CLIP1: variants seen among roughly 807,000 people sequenced by gnomAD.
CLIP1 encodes the protein CAP-Gly domain containing linker protein 1.
In CLIP1, 66 loss-of-function variants were observed where a neutral mutation model predicts 161.6. The observed-to-expected ratio is 0.41, with a 90% confidence interval of 0.33 to 0.50. The LOEUF is 0.50. Ranked by LOEUF, CLIP1 falls within the 20% of genes least tolerant of loss-of-function variation. The pLI is 0.27. For synonymous variants in CLIP1, 598 were observed against 626.2 expected (o/e 0.96, Z 0.67); for missense variants, 1,376 against 1,702.0 (o/e 0.81, Z 3.37).
At chr12:122,321,059 G>A (rs981542734) in intron 17 of CLIP1, among the ~76,000 whole-genome samples, 1 of 141,770 alleles carries the variant, frequency 7.1e-6, no homozygotes, top group Non-Finnish European at 1.5e-5. Context: ...AATAAATAAA[G>A]TCCTTTAGGC....
chr12:122,339,108 G>A (rs546254358), intron 11 of CLIP1, among the ~76,000 whole-genome samples: 1 of 152,154 alleles, frequency 6.6e-6, no homozygotes, highest in Non-Finnish European at 1.5e-5. Flanking sequence ...TAAAGATAAA[G>A]ATGACATTTA....
At chr12:122,350,889 G>A (rs2136437750) in intron 9 of CLIP1, 1 of 396,416 alleles carries the variant, frequency 2.5e-6, no homozygotes, top group Non-Finnish European at 4.4e-6. Flanking sequence ...GCAAACGTTG[G>A]CCTATTCATT....
intron 1 of CLIP1, among the ~76,000 whole-genome samples, chr12:122,421,483 G>T (rs930458225): frequency 6.6e-6 from 1 of 152,130 alleles, no homozygotes; most frequent in African/African-American, 2.4e-5. Context: ...AATACTTATA[G>T]AGCTGCTAGG....
chr12:122,413,916 T>A (rs1593274555), intron 1 of CLIP1, among the ~76,000 whole-genome samples: 2 of 151,886 alleles, frequency 1.3e-5, no homozygotes, highest in African/African-American at 4.8e-5. Flanking sequence ...CCAAGATTCC[T>A]TGGTACTTGG....
intron 1 of CLIP1, among the ~76,000 whole-genome samples, chr12:122,407,490 C>A (rs1462717083): frequency 6.6e-6 from 1 of 151,812 alleles, no homozygotes; most frequent in Non-Finnish European, 1.5e-5. Context: ...AGGAAGATCA[C>A]TTGAGCCCAG....
chr12:122,350,580 A>T (rs79306350), intron 9 of CLIP1, among the ~76,000 whole-genome samples: 3,343 of 152,148 alleles, frequency 0.022, 121 homozygotes, highest in African/African-American at 0.077. Context: ...ATGTCTCATC[A>T]GCTGCACTGG....
chr12:122,281,644 C>G (rs1426512915), intron 21 of CLIP1, among the ~76,000 whole-genome samples: 2 of 151,788 alleles, frequency 1.3e-5, no homozygotes, highest in East Asian at 3.9e-4. Context: ...AGCCCAGGAG[C>G]TTGAGGTTGT....
chr12:122,411,923 C>T (rs923442768), intron 1 of CLIP1, among the ~76,000 whole-genome samples: 9 of 152,136 alleles, frequency 5.9e-5, no homozygotes, highest in Non-Finnish European at 1.2e-4. Context: ...TGCGAATATA[C>T]TAAAAAACCA....
chr12:122,414,787 C>A (rs1034435470), intron 1 of CLIP1, among the ~76,000 whole-genome samples: 1 of 152,034 alleles, frequency 6.6e-6, no homozygotes, highest in Non-Finnish European at 1.5e-5. Flanking sequence ...ACAGTACCAT[C>A]GGTCATTATG....
chr12:122,358,864 T>C (rs1309228082), intron 5 of CLIP1, among the ~76,000 whole-genome samples: 1 of 152,020 alleles, frequency 6.6e-6, no homozygotes, highest in Non-Finnish European at 1.5e-5. Context: ...TGTTCGAGAC[T>C]GGCCTGGCCA....
At chr12:122,344,992 G>C (rs1450876570) in intron 10 of CLIP1, among the ~76,000 whole-genome samples, 2 of 56,356 alleles carry the variant, frequency 3.5e-5, no homozygotes, top group East Asian at 1.5e-3. Context: ...ATCTAGAGCA[G>C]GAAAAAAAAC....
intron 20 of CLIP1, among the ~76,000 whole-genome samples, chr12:122,308,678 G>A (rs749460368): frequency 1.2e-4 from 18 of 152,164 alleles, no homozygotes; most frequent in Non-Finnish European, 2.4e-4. Context: ...TTATGGCAAG[G>A]ACTGCGATGA....
intron 5 of CLIP1, among the ~76,000 whole-genome samples, chr12:122,358,041 T>C (rs1172106280): frequency 6.6e-6 from 1 of 152,258 alleles, no homozygotes; most frequent in Non-Finnish European, 1.5e-5. Context: ...ATGGTTGCCA[T>C]GTCTGTGTAG....
intron 1 of CLIP1, among the ~76,000 whole-genome samples, chr12:122,417,168 G>A (rs1003421678): frequency 6.6e-6 from 1 of 151,482 alleles, no homozygotes; most frequent in Non-Finnish European, 1.5e-5. Flanking sequence ...GTGGTGGCAT[G>A]TGCCTGTAAT....
chr12:122,368,740 T>C (rs1765507159), intron 3 of CLIP1, among the ~76,000 whole-genome samples: 1 of 151,948 alleles, frequency 6.6e-6, no homozygotes, highest in South Asian at 2.1e-4. Flanking sequence ...GTCAGGAGTT[T>C]GAGACAGGCC....
intron 2 of CLIP1, among the ~76,000 whole-genome samples, chr12:122,379,256 C>T (rs1253718040): frequency 6.7e-6 from 1 of 150,328 alleles, no homozygotes; most frequent in African/African-American, 2.5e-5. Flanking sequence ...TGCAGTGAGC[C>T]GAGATTGAGC....
chr12:122,333,273 G>A (rs1435899682), intron 14 of CLIP1, 130 bp from the exon 15 acceptor site: 1 of 669,856 alleles, frequency 1.5e-6, no homozygotes, highest in African/African-American at 1.8e-5. Context: ...TTCTAGTGAA[G>A]AAGGCACACA....
chr12:122,417,554 C>G (rs1288364287), intron 1 of CLIP1, among the ~76,000 whole-genome samples: 1 of 146,060 alleles, frequency 6.8e-6, no homozygotes, highest in Admixed American at 7.0e-5. Context: ...GCTCTGTCGC[C>G]CAGGCTGGAG....
chr12:122,363,831 T>TG (rs1176738880), intron 4 of CLIP1, 152 bp downstream of exon 4: 10 of 953,506 alleles, frequency 1.0e-5, no homozygotes, highest in Admixed American at 1.0e-4. Flanking sequence ...AATTTTAGTG[T>TG]GGGGAAAAAA....
Sources: allele counts gnomAD v4.1 joint callset (sites outside exome capture counted in the v4.1 genomes callset), GRCh38; gene constraint gnomAD v4.1.1; transcripts MANE v1.5; gene names NCBI Gene and HGNC (gene_info 2026-07-23, HGNC 2026-07-21).